Variants in GSTO2 observed in about 807,000 individuals in gnomAD.
The protein encoded by GSTO2 is glutathione S-transferase omega 2.
Under a neutral mutation model 28.4 loss-of-function variants are expected in GSTO2, and 23 were observed. The ratio of observed to expected loss-of-function variants is 0.81; its 90% CI spans 0.58 to 1.15. GSTO2 has a LOEUF of 1.15. Ranked by LOEUF, GSTO2 falls within the 50% of genes most tolerant of loss-of-function variation. The pLI, the probability that GSTO2 is intolerant of heterozygous loss-of-function variation, is 0.00. For missense variants in GSTO2, 298 were observed against 297.8 expected (o/e 1.00, Z 0.00); for synonymous variants, 109 against 111.0 (o/e 0.98, Z 0.11).
At chr10:104,281,863 G>A (rs968837517) in intron 5 of GSTO2, among the ~76,000 whole-genome samples, 2 of 152,148 alleles carry the variant, frequency 1.3e-5, no homozygotes, top group African/African-American at 4.8e-5. Context: ...GCTGGTCTGT[G>A]GGGGTAGATA....
chr10:104,278,736 C>A (rs751452269), intron 4 of GSTO2, among the ~76,000 whole-genome samples: 41 of 152,308 alleles, frequency 2.7e-4, no homozygotes, highest in Admixed American at 2.4e-3. Flanking sequence ...CTGCCTCGGC[C>A]TCCCAAAGTG....
intron 1 of GSTO2, among the ~76,000 whole-genome samples, chr10:104,274,307 G>T (rs762448088): frequency 6.6e-6 from 1 of 152,172 alleles, no homozygotes; most frequent in Non-Finnish European, 1.5e-5. Flanking sequence ...TGCAAAATGT[G>T]AGTTGTCTAG....
rs534566721 is a variant in GSTO2, at chr10:104,299,703, C to G, written c.*419C>G. On this transcript the variant is annotated 3_prime_UTR_variant, in exon 7 of 7. Transcript: ENST00000338595. ...ATGTTGCTCAGGCTGGTCTCCATCTCCTGGCCGCAAGCCATCCACCCAACT... is the reference window on the plus strand; with the variant it reads ...ATGTTGCTCAGGCTGGTCTCCATCTGCTGGCCGCAAGCCATCCACCCAACT... 1 of 183,930 alleles carries G rather than the reference C, an allele frequency of 5.4e-6. No individual in the cohort carries two copies. The highest frequency in any genetic ancestry group is 9.8e-5 in the South Asian group (1 of 10,246). The allele number at this position is 183,930 out of a possible 1,614,324, so 11.4% of individuals were successfully genotyped here.
intron 5 of GSTO2, among the ~76,000 whole-genome samples, chr10:104,286,286 A>G (rs2012417452): frequency 1.3e-5 from 2 of 152,218 alleles, no homozygotes; most frequent in African/African-American, 4.8e-5. Context: ...GGCTGTACGC[A>G]GCCACTGATC....
chr10:104,273,098 C>T (rs1466413034), intron 1 of GSTO2, among the ~76,000 whole-genome samples: 1 of 152,096 alleles, frequency 6.6e-6, no homozygotes, highest in Non-Finnish European at 1.5e-5. Flanking sequence ...TGTGTATGCC[C>T]AGAAGTCATC....
rs1412190586 is a variant in GSTO2 at position 104,279,365 on chromosome 10, A to G, written c.367-5A>G. ...CTCCACTGAGAACCTGTGTCCTCTGATTAGGTCCCACATTTGACCAAGGAG... is the reference window on the plus strand; with the variant it reads ...CTCCACTGAGAACCTGTGTCCTCTGGTTAGGTCCCACATTTGACCAAGGAG... On this transcript the variant is annotated splice_region_variant and splice_polypyrimidine_tract_variant and intron_variant, in intron 4 of 6. Coordinates refer to ENST00000338595, the MANE Select transcript of GSTO2 (RefSeq NM_183239.2). The G allele has an allele frequency of 5.6e-6, 9 of 1,611,350 alleles. No homozygotes were observed. The highest frequency in any genetic ancestry group is 3.3e-5 in the Admixed American group (2 of 60,006).
intron 1 of GSTO2, among the ~76,000 whole-genome samples, chr10:104,272,834 A>G (rs1488952473): frequency 1.3e-5 from 2 of 151,550 alleles, no homozygotes; most frequent in Admixed American, 6.6e-5. Flanking sequence ...GGATGGCCTC[A>G]ATCTCCTGAC....
intron 1 of GSTO2, among the ~76,000 whole-genome samples, chr10:104,271,053 G>A (rs919595912): frequency 3.3e-5 from 5 of 152,138 alleles, no homozygotes; most frequent in African/African-American, 1.2e-4. Flanking sequence ...GTATAATAAA[G>A]GTATAAACAT....
intron 1 of GSTO2, among the ~76,000 whole-genome samples, chr10:104,273,031 T>C (rs1003469405): frequency 6.6e-6 from 1 of 152,248 alleles, no homozygotes; most frequent in Non-Finnish European, 1.5e-5. Context: ...TTTTTTAGGC[T>C]ATGGATATAT....
intron 1 of GSTO2, among the ~76,000 whole-genome samples, chr10:104,272,255 C>A (rs74154777): frequency 0.074 from 11,252 of 152,166 alleles, 1,385 homozygotes; most frequent in African/African-American, 0.26. Context: ...TACATATATG[C>A]AGTTCAAATT....
chr10:104,275,018 C>A, intron 2 of GSTO2, 69 bp downstream of exon 2: 1 of 1,547,192 alleles, frequency 6.5e-7, no homozygotes, highest in South Asian at 1.2e-5. Context: ...TTCGGCGGAG[C>A]TGCCTGGCCT....
chr10:104,272,832 T>G (rs567338680), intron 1 of GSTO2, among the ~76,000 whole-genome samples: 2 of 151,922 alleles, frequency 1.3e-5, no homozygotes, highest in South Asian at 2.1e-4. Context: ...CAGGATGGCC[T>G]CAATCTCCTG....
In GSTO2 at chr10:104,300,660, T is replaced by A. The variant is rs1235993318; in HGVS notation, c.*1376T>A. On this transcript the variant is annotated 3_prime_UTR_variant, in exon 7 of 7. Transcript: ENST00000338595. ...TGGGAGGGGGACCAAGTTTGTCCAATGCTGTTTCATCTCAGTGTCTGAGGA... is the reference window on the plus strand; with the variant it reads ...TGGGAGGGGGACCAAGTTTGTCCAAAGCTGTTTCATCTCAGTGTCTGAGGA... The A allele has an allele frequency of 6.6e-6, 1 of 152,308 alleles. No individual in the cohort carries two copies. The highest frequency in any genetic ancestry group is 2.4e-5 in the African/African-American group (1 of 41,464). 9.4% of individuals were successfully genotyped at this position (152,308 alleles called of 1,614,324 possible). A position where few individuals can be genotyped will look rare whatever the true frequency, so the allele number is the denominator to read the frequency against.
rs947194677 is a variant in GSTO2 at position 104,299,710 on chromosome 10, G to A, written c.*426G>A. ...TCAGGCTGGTCTCCATCTCCTGGCC[G>A]CAAGCCATCCACCCAACTTGGTCTC... On this transcript the variant is annotated 3_prime_UTR_variant, in exon 7 of 7. Transcript: ENST00000338595. 3.9e-5 allele frequency: 7 copies of A among 181,570 alleles called. No homozygotes were observed. The highest frequency in any genetic ancestry group is 2.1e-4 in the South Asian group (2 of 9,750). The allele number at this position is 181,570 out of a possible 1,614,324, so 11.2% of individuals were successfully genotyped here.
At chr10:104,288,099 C>T (rs188334229) in intron 5 of GSTO2, among the ~76,000 whole-genome samples, 1 of 152,056 alleles carries the variant, frequency 6.6e-6, no homozygotes, top group Admixed American at 6.5e-5. Flanking sequence ...ACTGTGTTAG[C>T]CAGGATGGTC....
chr10:104,282,063 G>A lies in GSTO2; in HGVS notation c.468+2592G>A, dbSNP rs1589863449. Reference sequence around the variant, plus strand: ...CCAGGGATTTGCACTTTATTTCAGAGTTGATGGTGAGTAATTGAAGCCTGT... The same window carrying A: ...CCAGGGATTTGCACTTTATTTCAGAATTGATGGTGAGTAATTGAAGCCTGT... On this transcript the variant is annotated intron_variant, in intron 5 of 6. Coordinates refer to ENST00000338595, the MANE Select transcript of GSTO2 (RefSeq NM_183239.2). Among the ~76,000 whole-genome samples the A allele has an allele frequency of 2.0e-5, 3 of 151,900 alleles. No individual in the cohort carries two copies. The East Asian group carries it at 5.8e-4, about 29-fold the overall frequency.
At chr10:104,270,125 T>C (rs979941417) in intron 1 of GSTO2, among the ~76,000 whole-genome samples, 22 of 151,930 alleles carry the variant, frequency 1.4e-4, no homozygotes, top group Non-Finnish European at 2.8e-4. Flanking sequence ...GCCATTCTCC[T>C]GCCTCAGCCT....
At chr10:104,270,304 C>T (rs367990599) in intron 1 of GSTO2, among the ~76,000 whole-genome samples, 2 of 152,226 alleles carry the variant, frequency 1.3e-5, no homozygotes, top group African/African-American at 2.4e-5. Context: ...TGAGCCACCG[C>T]GCCCGGCCTG....
intron 6 of GSTO2, among the ~76,000 whole-genome samples, chr10:104,298,758 G>T (rs2013159721): frequency 6.6e-6 from 1 of 152,022 alleles, no homozygotes; most frequent in African/African-American, 2.4e-5. Context: ...AATGACCCAA[G>T]AATATTTGTT....
Sources: gnomAD v4.1 joint callset for allele counts (sites outside exome capture counted in the v4.1 genomes callset) on GRCh38, gnomAD v4.1.1 for gene constraint, MANE v1.5 for transcripts, NCBI Gene and HGNC (gene_info 2026-07-23, HGNC 2026-07-21) for gene names.